Variants in SUMF1 observed in about 807,000 individuals in gnomAD.
SUMF1 encodes the protein formylglycine-generating enzyme.
A neutral mutation model predicts 47.6 loss-of-function variants in SUMF1; 48 were observed. The ratio of observed to expected loss-of-function variants is 1.01; its 90% CI spans 0.80 to 1.28. SUMF1 has a LOEUF of 1.28. Among genes scored for constraint, SUMF1 ranks in the 50% most tolerant of loss-of-function variants. The probability of loss-of-function intolerance (pLI) is 0.00; values close to 1 mark genes in which losing one functional copy is unlikely to be tolerated. For missense variants in SUMF1, 571 were observed against 485.4 expected (o/e 1.18, Z -1.66); for synonymous variants, 230 against 192.1 (o/e 1.20, Z -1.63).
intron 8 of SUMF1, among the ~76,000 whole-genome samples, chr3:4,151,938 G>T (rs957786039): frequency 2.0e-5 from 3 of 151,492 alleles, no homozygotes; most frequent in Admixed American, 1.3e-4. Context: ...TCCTGTACTT[G>T]CTGGATGGTT....
chr3:4,064,869 A>G (rs149029883), intron 9 of SUMF1, among the ~76,000 whole-genome samples: 96 of 152,300 alleles, frequency 6.3e-4, no homozygotes, highest in African/African-American at 2.2e-3. Flanking sequence ...TAATTTCTTC[A>G]AGCTGTGTCA....
intron 8 of SUMF1, among the ~76,000 whole-genome samples, chr3:4,192,760 G>C (rs1695348140): frequency 6.6e-6 from 1 of 152,142 alleles, no homozygotes; most frequent in African/African-American, 2.4e-5. Context: ...CAGGAAGGCT[G>C]AAGACTGAGT....
intron 3 of SUMF1, among the ~76,000 whole-genome samples, chr3:4,425,851 TAA>T (rs1702051238): frequency 1.3e-5 from 2 of 152,006 alleles, no homozygotes; most frequent in South Asian, 4.2e-4. Context: ...TGGTGGAAGG[TAA>T]AGGGGCAGCA....
intron 8 of SUMF1, among the ~76,000 whole-genome samples, chr3:4,297,492 T>C (rs1280482684): frequency 6.6e-6 from 1 of 151,782 alleles, no homozygotes; most frequent in African/African-American, 2.4e-5. Context: ...ACTGAAGCCT[T>C]GGATTGCTGG....
At chr3:4,343,156 T>C (rs948732846) in intron 8 of SUMF1, among the ~76,000 whole-genome samples, 2 of 152,156 alleles carry the variant, frequency 1.3e-5, no homozygotes, top group Non-Finnish European at 2.9e-5. Flanking sequence ...AACATGGAGA[T>C]GGGAGATGGG....
chr3:4,230,013 C>CA (rs965205088), intron 8 of SUMF1, among the ~76,000 whole-genome samples: 16 of 139,912 alleles, frequency 1.1e-4, no homozygotes, highest in East Asian at 8.4e-4. Flanking sequence ...ACCTTGTCAC[C>CA]AAAAAAAAAG....
At chr3:4,288,200 T>G (rs1020086556) in intron 8 of SUMF1, among the ~76,000 whole-genome samples, 2 of 152,192 alleles carry the variant, frequency 1.3e-5, no homozygotes, top group African/African-American at 2.4e-5. Context: ...GGTACATAGA[T>G]ACCAGTTTCC....
intron 1 of SUMF1, among the ~76,000 whole-genome samples, chr3:4,459,230 G>A (rs559429111): frequency 3.2e-4 from 49 of 151,998 alleles, no homozygotes; most frequent in Non-Finnish European, 6.0e-4. Context: ...GTGAGCTGAT[G>A]GATTTGTTAA....
At chr3:4,144,063 T>C (rs1173139273) in intron 8 of SUMF1, among the ~76,000 whole-genome samples, 8 of 149,624 alleles carry the variant, frequency 5.3e-5, no homozygotes, top group Non-Finnish European at 1.0e-4. Context: ...CGATCTCGGC[T>C]CTCTGCAGCC....
chr3:4,449,192 G>T, intron 3 of SUMF1, 74 bp downstream of exon 3: 2 of 1,505,032 alleles, frequency 1.3e-6, no homozygotes, highest in South Asian at 2.3e-5. Context: ...TGACACATGT[G>T]GTTTGGATTT....
intron 8 of SUMF1, among the ~76,000 whole-genome samples, chr3:4,248,564 CA>C (rs1015244612): frequency 6.6e-6 from 1 of 152,122 alleles, no homozygotes; most frequent in African/African-American, 2.4e-5. Context: ...GGGCTTCTGC[CA>C]CATCCCCCCT....
At chr3:4,067,494 C>G (rs773526660) in intron 9 of SUMF1, among the ~76,000 whole-genome samples, 1 of 152,136 alleles carries the variant, frequency 6.6e-6, no homozygotes, top group Non-Finnish European at 1.5e-5. Flanking sequence ...ATCAGGCTAA[C>G]TTGACTATGT....
intron 3 of SUMF1, among the ~76,000 whole-genome samples, chr3:4,426,356 G>A (rs1028307367): frequency 2.0e-5 from 3 of 152,154 alleles, no homozygotes; most frequent in Middle Eastern, 3.2e-3. Context: ...GAGGACTGAC[G>A]AAATCAGAGG....
intron 8 of SUMF1, among the ~76,000 whole-genome samples, chr3:4,113,533 C>CG (rs897096198): frequency 6.6e-6 from 1 of 151,734 alleles, no homozygotes; most frequent in African/African-American, 2.4e-5. Context: ...CACCGCCCCC[C>CG]ACCCCCAAAA....
chr3:4,148,692 A>G (rs1034982056), intron 8 of SUMF1, among the ~76,000 whole-genome samples: 5 of 152,182 alleles, frequency 3.3e-5, no homozygotes, highest in African/African-American at 1.2e-4. Context: ...GCTATGTTCC[A>G]GTGAAATTTT....
intron 8 of SUMF1, among the ~76,000 whole-genome samples, chr3:4,080,466 T>C (rs1692535216): frequency 6.6e-6 from 1 of 152,110 alleles, no homozygotes; most frequent in Admixed American, 6.5e-5. Context: ...ACTCTTCTTT[T>C]TTTTAATTGA....
At chr3:4,399,354 G>A (rs940460293) in intron 7 of SUMF1, among the ~76,000 whole-genome samples, 2 of 152,138 alleles carry the variant, frequency 1.3e-5, no homozygotes, top group East Asian at 3.9e-4. Context: ...AAGGGCTTGG[G>A]GGCCATCTTT....
downstream of SUMF1, among the ~76,000 whole-genome samples, chr3:4,356,906 C>T (rs1368163175): frequency 1.3e-5 from 2 of 152,204 alleles, no homozygotes; most frequent in Admixed American, 6.5e-5. Flanking sequence ...CCTGTTCACA[C>T]GTCTTGCCTG....
At chr3:4,308,215 C>G (rs35204715) in intron 8 of SUMF1, among the ~76,000 whole-genome samples, 4 of 152,166 alleles carry the variant, frequency 2.6e-5, no homozygotes, top group Non-Finnish European at 4.4e-5. Flanking sequence ...CGATGGCTTC[C>G]TAGACACAAT....
Sources: gnomAD v4.1 joint callset for allele counts (sites outside exome capture counted in the v4.1 genomes callset) on GRCh38, gnomAD v4.1.1 for gene constraint, MANE v1.5 for transcripts, NCBI Gene and HGNC (gene_info 2026-07-23, HGNC 2026-07-21) for gene names.